Variants in DENND1A observed in about 807,000 individuals in gnomAD.
The protein encoded by DENND1A is DENN domain containing 1A, also known as DENN domain-containing protein 1A.
DENND1A carries 51 observed loss-of-function variants against 113.7 expected under a neutral mutation model. The ratio of observed to expected loss-of-function variants is 0.45; its 90% confidence interval spans 0.36 to 0.57. The LOEUF is 0.57. DENND1A is among the 20% of genes least tolerant of loss of function. DENND1A has a pLI of 0.00. For missense variants in DENND1A, 1,258 were observed against 1,395.9 expected (o/e 0.90, Z 1.57); for synonymous variants, 565 against 570.8 (o/e 0.99, Z 0.14).
intron 9 of DENND1A, among the ~76,000 whole-genome samples, chr9:123,645,663 C>T (rs557845008): frequency 5.9e-5 from 9 of 152,236 alleles, no homozygotes; most frequent in South Asian, 2.1e-4. Context: ...CATGAAACTT[C>T]GAACCCAGTT....
At chr9:123,518,989 AC>A (rs1314443476) in intron 13 of DENND1A, among the ~76,000 whole-genome samples, 1 of 151,918 alleles carries the variant, frequency 6.6e-6, no homozygotes, top group African/African-American at 2.4e-5. Context: ...TGTAACTTCA[AC>A]TCAAGCCACT....
In DENND1A at chr9:123,546,231, T is replaced by C. The variant is rs577567526; in HGVS notation, c.993+11339A>G. On this transcript the variant is annotated intron_variant, in intron 13 of 23. Transcript: ENST00000394215. ...GGCTTATTCCTCTCAGGTTCTAAGA[T>C]GAAGCTGCAGCTGATACGTTTTAAA... Among the ~76,000 whole-genome samples, 270 of 152,222 alleles carry C rather than the reference T, an allele frequency of 1.8e-3. 2 individuals carry two copies. The highest frequency in any genetic ancestry group is 2.6e-3 in the Non-Finnish European group (177 of 68,016).
chr9:123,895,108 G>C (rs1229833944), intron 1 of DENND1A, among the ~76,000 whole-genome samples: 1 of 151,322 alleles, frequency 6.6e-6, no homozygotes. Context: ...CCTGGGCTGG[G>C]GTGCAGTGAC....
rs1484750277 is a variant in DENND1A at position 123,381,606 on chromosome 9, G to A, written c.3039C>T (p.Pro1013=). ...TTGGCTCCAGGCCTTGAGGGGGCCT[G>A]GGAGGCAGAAGCGGGGGGTCTCCAG... ...LRPGDPPLLP[P]RPPQGLEPTL... Residue 1013 remains proline (P), a synonymous_variant, in exon 24 of 24, where the codon CCC becomes CCT. Coordinates refer to ENST00000394215, the MANE Select transcript of DENND1A (RefSeq NM_001352964.2). The surrounding 1 kb of genome is among the most constrained non-coding windows in gnomAD (Gnocchi z 4.7). The A allele has an allele frequency of 1.2e-6, 2 of 1,613,102 alleles. No homozygotes were observed. Among genetic ancestry groups the A allele is most frequent in the Non-Finnish European group, 8.5e-7 (1 of 1,179,814 alleles).
intron 13 of DENND1A, among the ~76,000 whole-genome samples, chr9:123,542,659 T>C (rs1238292387): frequency 2.6e-5 from 4 of 151,904 alleles, no homozygotes; most frequent in Admixed American, 1.3e-4. Context: ...AGGAGGAAAG[T>C]GGAAGGGAAA....
chr9:123,736,517 G>T (rs573981401), intron 5 of DENND1A: 2 of 152,222 alleles, frequency 1.3e-5, no homozygotes, highest in Admixed American at 1.3e-4. Flanking sequence ...GAATAAATGA[G>T]GCCTCATATT....
At chr9:123,842,700 G>T (rs532993868) in intron 2 of DENND1A, among the ~76,000 whole-genome samples, 4 of 152,054 alleles carry the variant, frequency 2.6e-5, no homozygotes, top group Non-Finnish European at 5.9e-5. Flanking sequence ...ATTTAAAGAA[G>T]AATGAATACC....
chr9:123,594,840 T>C (rs1290200401), intron 11 of DENND1A, among the ~76,000 whole-genome samples: 1 of 152,060 alleles, frequency 6.6e-6, no homozygotes, highest in African/African-American at 2.4e-5. Context: ...AAGAACAGCA[T>C]GGGAAGCTGG....
chr9:123,919,714 T>C (rs1464800401), intron 1 of DENND1A, among the ~76,000 whole-genome samples: 1 of 150,288 alleles, frequency 6.7e-6, no homozygotes, highest in Non-Finnish European at 1.5e-5. Flanking sequence ...AAATCTCATC[T>C]CTACCAACAA....
At chr9:123,472,768 C>A (rs918555928) in intron 13 of DENND1A, among the ~76,000 whole-genome samples, 1 of 152,204 alleles carries the variant, frequency 6.6e-6, no homozygotes, top group East Asian at 1.9e-4. Flanking sequence ...CCCACCGCGG[C>A]TCCTCATTCC....
chr9:123,671,907 G>C (rs2063784217), intron 6 of DENND1A, among the ~76,000 whole-genome samples: 1 of 152,200 alleles, frequency 6.6e-6, no homozygotes, highest in Non-Finnish European at 1.5e-5. Flanking sequence ...TGAGCAACAT[G>C]ATGACATACA....
intron 1 of DENND1A, among the ~76,000 whole-genome samples, chr9:123,893,411 A>T (rs1314386260): frequency 2.0e-5 from 3 of 152,254 alleles, no homozygotes; most frequent in African/African-American, 4.8e-5. Context: ...GACCGTCATT[A>T]GCAGGACATG....
At chr9:123,910,174 G>C (rs1325837779) in intron 1 of DENND1A, among the ~76,000 whole-genome samples, 5 of 152,176 alleles carry the variant, frequency 3.3e-5, no homozygotes, top group Non-Finnish European at 7.4e-5. Context: ...ATATGGTCAT[G>C]CAAAGGACCT....
intron 9 of DENND1A, among the ~76,000 whole-genome samples, chr9:123,636,229 T>C (rs1454820619): frequency 1.3e-5 from 2 of 152,124 alleles, no homozygotes; most frequent in African/African-American, 2.4e-5. Context: ...CCTGATACTC[T>C]GAAGAACTCA....
intron 10 of DENND1A, among the ~76,000 whole-genome samples, chr9:123,615,706 C>T (rs1384952622): frequency 6.6e-6 from 1 of 152,140 alleles, no homozygotes; most frequent in Non-Finnish European, 1.5e-5. Flanking sequence ...TCCGGGTTAC[C>T]CATTTGGCAT....
chr9:123,587,131 G>C (rs1473204490), intron 11 of DENND1A, among the ~76,000 whole-genome samples: 1 of 151,970 alleles, frequency 6.6e-6, no homozygotes, highest in East Asian at 1.9e-4. Flanking sequence ...TTATTATTAA[G>C]TTTAGTGAAG....
At chr9:123,920,820 G>C (rs1459198534) in intron 1 of DENND1A, among the ~76,000 whole-genome samples, 2 of 151,464 alleles carry the variant, frequency 1.3e-5, no homozygotes, top group Non-Finnish European at 2.9e-5. Flanking sequence ...TGATCTGCCT[G>C]CTTCAGCCTC....
chr9:123,812,310 C>T (rs566126509), intron 2 of DENND1A, among the ~76,000 whole-genome samples: 1 of 151,852 alleles, frequency 6.6e-6, no homozygotes, highest in Non-Finnish European at 1.5e-5. Context: ...GGATCCATTC[C>T]TTTTAATTGC....
At position 123,929,778 on chromosome 9, in the gene DENND1A, C is replaced by A. The variant is rs528341802; in HGVS notation, c.17+111G>T. The A allele has an allele frequency of 8.8e-5, 15 of 171,008 alleles. No individual in the cohort carries two copies. The South Asian group carries it at 2.6e-3, about 30-fold the overall frequency. The allele number at this position is 171,008 out of a possible 1,614,324, so 10.6% of individuals were successfully genotyped here. On this transcript the variant is annotated intron_variant, in intron 1 of 23. Transcript: ENST00000394215. ...CCCCGCGTGCCGGCGTCACGCGGGGCGCCCCTCTGGTCTCGGCAACAAGTC... is the reference window on the plus strand; with the variant it reads ...CCCCGCGTGCCGGCGTCACGCGGGGAGCCCCTCTGGTCTCGGCAACAAGTC...
Sources: gnomAD v4.1 joint callset for allele counts (sites outside exome capture counted in the v4.1 genomes callset) on GRCh38, gnomAD v4.1.1 for gene constraint, Gnocchi (gnomAD v3.1) non-coding constraint, MANE v1.5 for transcripts, NCBI Gene and HGNC (gene_info 2026-07-23, HGNC 2026-07-21) for gene names.